Variants in FUT8 observed in about 807,000 individuals in gnomAD.
FUT8 encodes alpha-(1,6)-fucosyltransferase.
In FUT8, 29 loss-of-function variants were observed where a neutral mutation model predicts 71.3. That is an observed-to-expected ratio of 0.41 (90% CI 0.30 to 0.55). The LOEUF is 0.55. Among genes scored for constraint, FUT8 ranks in the 20% least tolerant of loss-of-function variants. The pLI is 0.34. For missense variants in FUT8, 544 were observed against 702.1 expected (o/e 0.77, Z 2.55); for synonymous variants, 254 against 239.3 (o/e 1.06, Z -0.57).
intron 2 of FUT8, among the ~76,000 whole-genome samples, chr14:65,459,178 G>A (rs574715731): frequency 1.3e-5 from 2 of 152,168 alleles, no homozygotes; most frequent in African/African-American, 2.4e-5. Context: ...TCTGTTCAAC[G>A]GGCAAATACA....
intron 3 of FUT8, among the ~76,000 whole-genome samples, chr14:65,596,476 AGGAGGACTGTCTTCCTT>A (rs1887985508): frequency 1.3e-5 from 2 of 152,206 alleles, no homozygotes; most frequent in African/African-American, 4.8e-5. Flanking sequence ...ATTGTTCTGT[AGGAGGACTGTCTTCCTT>A]TCTTACATGA....
the FUT8 span, among the ~76,000 whole-genome samples, chr14:65,402,097 G>A: frequency 2.0e-5 from 3 of 151,604 alleles, no homozygotes; most frequent in Non-Finnish European, 4.4e-5. Flanking sequence ...AGTAAACTGA[G>A]TGATTCCTGG....
Position 65,616,196 on chromosome 14 carries a change from ATTC to A in FUT8, c.320-12_320-10del. On this transcript the variant is annotated splice_polypyrimidine_tract_variant and intron_variant, in intron 4 of 10. Transcript: ENST00000673929. ...AATGTTGGAAATGCTACAACTCTCT[ATTC>A]TTTGACTACAGGTCTGGGGAAGGAT... 1 of 1,600,496 alleles carries A rather than the reference ATTC, an allele frequency of 6.2e-7. No homozygotes were observed. Among genetic ancestry groups the A allele is most frequent in the Non-Finnish European group, 8.5e-7 (1 of 1,174,054 alleles).
intron 3 of FUT8, among the ~76,000 whole-genome samples, chr14:65,585,397 G>T (rs574723676): frequency 7.9e-5 from 12 of 152,224 alleles, no homozygotes; most frequent in African/African-American, 2.2e-4. Context: ...ATGTTGCTCA[G>T]GCTGGTCTCA....
chr14:65,357,379 A>G, the FUT8 span, among the ~76,000 whole-genome samples: 1 of 152,256 alleles, frequency 6.6e-6, no homozygotes, highest in Non-Finnish European at 1.5e-5. Flanking sequence ...GCCTAGGGCT[A>G]CAGATGAGAC....
chr14:65,727,518 A>T (rs1011102941), intron 9 of FUT8, among the ~76,000 whole-genome samples: 1 of 152,168 alleles, frequency 6.6e-6, no homozygotes, highest in Non-Finnish European at 1.5e-5. Context: ...TCATGACGGA[A>T]GCAGCTGGGA....
intron 2 of FUT8, chr14:65,468,133 G>C: frequency 1.6e-6 from 1 of 637,332 alleles, no homozygotes; most frequent in Non-Finnish European, 2.9e-6. Context: ...AGTGCCAACA[G>C]CATGTTGGGT....
chr14:65,673,461 G>T (rs141728127), intron 7 of FUT8, among the ~76,000 whole-genome samples: 5 of 152,324 alleles, frequency 3.3e-5, no homozygotes, highest in African/African-American at 1.2e-4. Flanking sequence ...GTATGGTTAA[G>T]ACTACCCTGA....
chr14:65,663,523 CA>C (rs1042326048), intron 6 of FUT8, among the ~76,000 whole-genome samples: 1 of 151,874 alleles, frequency 6.6e-6, no homozygotes, highest in East Asian at 1.9e-4. Flanking sequence ...ATTATTTGGA[CA>C]AAAAAATTGG....
chr14:65,630,853 C>T (rs1380836239), intron 6 of FUT8, among the ~76,000 whole-genome samples: 2 of 152,192 alleles, frequency 1.3e-5, no homozygotes, highest in Non-Finnish European at 2.9e-5. Flanking sequence ...TTGGAACATC[C>T]TCCACCCTCA....
chr14:65,380,045 G>A, the FUT8 span, among the ~76,000 whole-genome samples: 1 of 152,200 alleles, frequency 6.6e-6, no homozygotes, highest in Non-Finnish European at 1.5e-5. Context: ...AGTTTTAACA[G>A]GAATTTTGGA....
upstream of FUT8, chr14:65,411,874 G>C: frequency 2.7e-6 from 1 of 366,158 alleles, no homozygotes; most frequent in Non-Finnish European, 5.3e-6. Context: ...CGACTACTTT[G>C]TGTGCTGGGG....
At chr14:65,644,246 A>G (rs1891008010) in intron 6 of FUT8, among the ~76,000 whole-genome samples, 1 of 152,162 alleles carries the variant, frequency 6.6e-6, no homozygotes, top group African/African-American at 2.4e-5. Context: ...AAAGGAATAC[A>G]AAATATTAAA....
chr14:65,704,151 G>A (rs1259450953), intron 7 of FUT8, among the ~76,000 whole-genome samples: 4 of 152,048 alleles, frequency 2.6e-5, no homozygotes, highest in East Asian at 1.9e-4. Flanking sequence ...CATCTCATTC[G>A]TAACTCCTCA....
intron 6 of FUT8, among the ~76,000 whole-genome samples, chr14:65,668,650 C>G (rs538235626): frequency 6.6e-6 from 1 of 152,262 alleles, no homozygotes; most frequent in Non-Finnish European, 1.5e-5. Context: ...TAGAGAGCTA[C>G]TATTTGACCC....
At chr14:65,583,376 T>C (rs1035450449) in intron 3 of FUT8, among the ~76,000 whole-genome samples, 9 of 152,136 alleles carry the variant, frequency 5.9e-5, no homozygotes, top group African/African-American at 2.2e-4. Context: ...ATTTGACTTT[T>C]TGTTGTTGTT....
At chr14:65,689,198 A>T (rs1348614448) in intron 7 of FUT8, among the ~76,000 whole-genome samples, 1 of 152,190 alleles carries the variant, frequency 6.6e-6, no homozygotes, top group African/African-American at 2.4e-5. Context: ...GATTTTAGCC[A>T]TTCTAATAGA....
At position 65,564,607 on chromosome 14, in the gene FUT8, C is replaced by T. The variant is rs12434375; in HGVS notation, c.203+2841C>T. ...CTGTGAGTTTTGGCAAATACAGTCA[C>T]GTAACCATCACAAAAACTATAGATG... On this transcript the variant is annotated intron_variant, in intron 3 of 10. Transcript: ENST00000673929. Among the ~76,000 whole-genome samples, 874 of 152,002 alleles carry T rather than the reference C, an allele frequency of 5.7e-3. 31 individuals carry two copies. In the East Asian group the frequency reaches 0.093, roughly 16 times the overall value.
At chr14:65,661,619 TCTTTATTA>T (rs1370305906) in intron 6 of FUT8, among the ~76,000 whole-genome samples, 1 of 152,138 alleles carries the variant, frequency 6.6e-6, no homozygotes, top group Admixed American at 6.6e-5. Context: ...GTAGGAAAAA[TCTTTATTA>T]AAAGTCATAG....
Sources: allele counts gnomAD v4.1 joint callset (sites outside exome capture counted in the v4.1 genomes callset), GRCh38; gene constraint gnomAD v4.1.1; transcripts MANE v1.5; gene names NCBI Gene and HGNC (gene_info 2026-07-23, HGNC 2026-07-21).